RGS22: variants seen among roughly 807,000 people sequenced by gnomAD.
RGS22 encodes the protein regulator of G protein signaling 22, also known as regulator of G-protein signaling 22.
Under a neutral mutation model 172.9 loss-of-function variants are expected in RGS22, and 148 were observed. That is an observed-to-expected ratio of 0.86 (90% CI 0.75 to 0.98). The LOEUF (loss-of-function observed/expected upper bound fraction) is 0.98, where lower values mean the gene tolerates loss of function less well. Among genes scored for constraint, RGS22 ranks in the 50% least tolerant of loss-of-function variants. RGS22 has a pLI of 0.00. For synonymous variants in RGS22, 458 were observed against 480.2 expected, an observed-to-expected ratio of 0.95 and a Z score of 0.60; for missense variants, 1,347 against 1,440.8, an observed-to-expected ratio of 0.93 and a Z score of 1.05.
chr8:99,982,553 G>C (rs556366692), intron 21 of RGS22, among the ~76,000 whole-genome samples: 1 of 152,250 alleles, frequency 6.6e-6, no homozygotes, highest in South Asian at 2.1e-4. Flanking sequence ...TGTTATGATA[G>C]AGGTATACAT....
Position 100,080,138 on chromosome 8 carries a change from A to G in RGS22, c.335T>C (p.Ile112Thr), listed in dbSNP as rs1811642187. The change falls in exon 4 of 28, where the codon ATT becomes ACT. Residue 112 changes from isoleucine (I) to threonine (T), a missense_variant. Physicochemically the swap from Ile to Thr is moderately conservative, Grantham distance 89. Transcript: ENST00000360863. The stretch of plus-strand genomic sequence containing the variant: ...TAAAACAGTATACTTTCTTACCATA[A>G]TATTGTAGTTGACATTAATGGTCTC... Reference protein sequence around the residue: ...EDETINVNYNIMCLSREEGIK... With the variant: ...EDETINVNYNTMCLSREEGIK... 1.3e-6 allele frequency: 2 copies of G among 1,590,198 alleles called. No individual in the cohort carries two copies.
At chr8:100,087,562 C>A (rs1812256645) in intron 3 of RGS22, among the ~76,000 whole-genome samples, 1 of 152,108 alleles carries the variant, frequency 6.6e-6, no homozygotes, top group African/African-American at 2.4e-5. Context: ...CAGCCCAGCA[C>A]CAGTGAAACT....
chr8:100,025,040 G>T (rs1818030893), intron 14 of RGS22, among the ~76,000 whole-genome samples: 1 of 126,566 alleles, frequency 7.9e-6, no homozygotes, highest in Admixed American at 8.0e-5. Context: ...AAATAAATGA[G>T]GATCTTTGGA....
chr8:100,032,663 G>A (rs1478153949), intron 14 of RGS22, among the ~76,000 whole-genome samples: 2 of 152,046 alleles, frequency 1.3e-5, no homozygotes, highest in African/African-American at 4.8e-5. Flanking sequence ...TGCACTAAGT[G>A]GACCTAATAG....
chr8:99,981,561 T>C (rs1462261005), intron 22 of RGS22, among the ~76,000 whole-genome samples: 1 of 152,156 alleles, frequency 6.6e-6, no homozygotes, highest in Non-Finnish European at 1.5e-5. Flanking sequence ...AAAAACTGCA[T>C]TTAAGTTACT....
At chr8:100,087,746 G>C (rs1240899812) in intron 3 of RGS22, among the ~76,000 whole-genome samples, 1 of 152,098 alleles carries the variant, frequency 6.6e-6, no homozygotes, top group Non-Finnish European at 1.5e-5. Context: ...CTACTTGAAT[G>C]TAACAAGTCA....
chr8:100,000,338 TATC>T (rs1814902476), intron 18 of RGS22, among the ~76,000 whole-genome samples: 1 of 151,902 alleles, frequency 6.6e-6, no homozygotes, highest in South Asian at 2.1e-4. Flanking sequence ...CCTTTAATAA[TATC>T]ATTAAATAAT....
At chr8:100,046,640 T>G (rs1230815755) in intron 11 of RGS22, among the ~76,000 whole-genome samples, 1 of 149,082 alleles carries the variant, frequency 6.7e-6, no homozygotes, top group African/African-American at 2.5e-5. Flanking sequence ...CTGAAAAAAC[T>G]TACAAAAATA....
rs1810155263 is a variant in RGS22 at position 99,961,211 on chromosome 8, T to C, written c.*46-15A>G. On this transcript the variant is annotated splice_polypyrimidine_tract_variant and intron_variant, in intron 27 of 27. Coordinates refer to ENST00000360863, the MANE Select transcript of RGS22 (RefSeq NM_015668.5). ...TTAAAGAATTCCTGCAAAGGAAACA[T>C]AAATGGATGAAAATATAAACATCTA... 4.4e-6 allele frequency: 2 copies of C among 451,064 alleles called. No homozygotes were observed. The highest frequency in any genetic ancestry group is 3.3e-4 in the Middle Eastern group (1 of 3,046). 27.9% of individuals were successfully genotyped at this position (451,064 alleles called of 1,614,324 possible).
intron 20 of RGS22, among the ~76,000 whole-genome samples, chr8:99,990,663 C>T (rs1032187382): frequency 6.6e-5 from 10 of 152,192 alleles, no homozygotes; most frequent in African/African-American, 1.9e-4. Context: ...ACAAGGCCTA[C>T]TGCCTCTAGA....
At chr8:100,059,325 A>T (rs1180235062) in intron 9 of RGS22, among the ~76,000 whole-genome samples, 2 of 152,126 alleles carry the variant, frequency 1.3e-5, no homozygotes, top group Non-Finnish European at 2.9e-5. Flanking sequence ...TAAACTCTCC[A>T]ATCAAAAGAC....
At chr8:100,002,137 C>G in intron 18 of RGS22, 65 bp downstream of exon 18, 5 of 1,315,808 alleles carry the variant, frequency 3.8e-6, no homozygotes, top group Non-Finnish European at 5.2e-6. Context: ...AGGTTGTTGG[C>G]AAAAATAGAA....
intron 1 of RGS22, 95 bp downstream of exon 1, chr8:100,105,802 C>A: frequency 3.6e-6 from 4 of 1,126,582 alleles, no homozygotes; most frequent in Non-Finnish European, 5.0e-6. Flanking sequence ...GCGGGGATAC[C>A]GCTAGGAGGG....
intron 14 of RGS22, among the ~76,000 whole-genome samples, chr8:100,034,329 A>G (rs541253823): frequency 6.6e-6 from 1 of 152,304 alleles, no homozygotes; most frequent in South Asian, 2.1e-4. Context: ...CAACAGACAA[A>G]CAGAGAGCCA....
chr8:99,970,704 C>G (rs894036821), intron 23 of RGS22, among the ~76,000 whole-genome samples: 1 of 152,074 alleles, frequency 6.6e-6, no homozygotes, highest in Admixed American at 6.5e-5. Context: ...CTGAATAGAC[C>G]AATAACAAGT....
chr8:99,988,768 AGAT>A (rs1183416079), intron 20 of RGS22, among the ~76,000 whole-genome samples: 6 of 152,198 alleles, frequency 3.9e-5, no homozygotes, highest in Non-Finnish European at 8.8e-5. Flanking sequence ...CAGGCAGTCT[AGAT>A]GAATGGTGGT....
intron 3 of RGS22, among the ~76,000 whole-genome samples, chr8:100,090,679 G>A (rs752582501): frequency 3.3e-5 from 5 of 152,068 alleles, no homozygotes; most frequent in Admixed American, 1.3e-4. Context: ...TAAACAGAAG[G>A]GATTTAAGTC....
At chr8:100,102,349 A>G (rs975872610) in intron 2 of RGS22, among the ~76,000 whole-genome samples, 6 of 152,232 alleles carry the variant, frequency 3.9e-5, no homozygotes, top group African/African-American at 1.4e-4. Context: ...AATTTGGGAT[A>G]GCAATGGGTC....
intron 21 of RGS22, among the ~76,000 whole-genome samples, chr8:99,986,666 CTG>C (rs1363449677): frequency 2.0e-5 from 3 of 152,182 alleles, no homozygotes; most frequent in Admixed American, 1.3e-4. Flanking sequence ...TGAAAATAAA[CTG>C]TCTTTGTACC....
Sources: gnomAD v4.1 joint callset for allele counts (sites outside exome capture counted in the v4.1 genomes callset) on GRCh38, gnomAD v4.1.1 for gene constraint, MANE v1.5 for transcripts, NCBI Gene and HGNC (gene_info 2026-07-23, HGNC 2026-07-21) for gene names.